The following CFAP97D2 variants were observed in gnomAD, a reference collection of about 807,000 sequenced individuals.
CFAP97D2 encodes CFAP97 domain containing 2, also known as uncharacterized protein CFAP97D2.
rs1404930740 is a variant in CFAP97D2 at position 114,211,944 on chromosome 13, G to C, written c.323G>C (p.Arg108Pro). The C allele has an allele frequency of 2.5e-6, 1 of 398,704 alleles. No homozygotes were observed. Among genetic ancestry groups the C allele is most frequent in the Non-Finnish European group, 4.4e-6 (1 of 226,154 alleles). 24.7% of individuals were successfully genotyped at this position (398,704 alleles called of 1,614,324 possible). A position where few individuals can be genotyped will look rare whatever the true frequency, so the allele number is the denominator to read the frequency against. ...AGGGGGAAGAGAGAACAGGAACTTC[G>C]CAGAGTGCGGAAGAAAACACGGCCA... Residue 108 changes from arginine (R) to proline (P), a missense_variant, in exon 4 of 5, where the codon CGC (arginine) becomes CCC (proline). Arg to Pro is a moderately radical substitution (Grantham distance 103, BLOSUM62 -2). Coordinates refer to ENST00000646158, the Ensembl canonical transcript of CFAP97D2. The surrounding 1 kb of genome is among the most constrained non-coding windows in gnomAD (Gnocchi z 4.2).
At position 114,195,432 on chromosome 13, in the gene CFAP97D2, C is replaced by A. The variant is rs1001483812; in HGVS notation, c.91-964C>A. 9.9e-5 allele frequency among the ~76,000 whole-genome samples: 15 copies of A among 152,190 alleles called. No individual in the cohort carries two copies. The South Asian group carries it at 2.3e-3, about 23-fold the overall frequency. ...CATTGCACGTGGGTTCAGTCCCCAG[C>A]CTGGCTATCCTTCTCCATGTGCTGG... On this transcript the variant is annotated intron_variant, in intron 1 of 4. Coordinates refer to ENST00000646158, the Ensembl canonical transcript of CFAP97D2.
At position 114,187,590 on chromosome 13, in the gene CFAP97D2, T is replaced by C. The variant is rs1404815055; in HGVS notation, c.90+8170T>C. The stretch of plus-strand genomic sequence containing the variant: ...TCCTTAATGTGCAAGCACCTAACAA[T>C]AGAATATCAAACTACTTGAGATACT... On this transcript the variant is annotated intron_variant, in intron 1 of 4. Coordinates refer to ENST00000646158, the Ensembl canonical transcript of CFAP97D2. The surrounding 1 kb of genome is among the most constrained non-coding windows in gnomAD (Gnocchi z 4.2). 6.6e-6 allele frequency among the ~76,000 whole-genome samples: 1 copy of C among 152,134 alleles called. No homozygotes were observed. The highest frequency in any genetic ancestry group is 2.4e-5 in the African/African-American group (1 of 41,422).
intron 1 of CFAP97D2, among the ~76,000 whole-genome samples, chr13:114,182,211 A>G (rs9562082): frequency 0.094 from 13,657 of 145,896 alleles, 1,576 homozygotes; most frequent in East Asian, 0.38. Context: ...AGTTCAAGGG[A>G]AGGTACTATG....
rs187548982 is a variant in CFAP97D2 at position 114,189,855 on chromosome 13, T to C, written c.91-6541T>C. On this transcript the variant is annotated intron_variant, in intron 1 of 4. Transcript: ENST00000646158. The surrounding 1 kb of genome is among the most constrained non-coding windows in gnomAD (Gnocchi z 4.5). ...AACTTTCTCAACTTGATAAAGAATATCTCCAGGCTGGGCATGGTGGCTCGC... is the reference window on the plus strand; with the variant it reads ...AACTTTCTCAACTTGATAAAGAATACCTCCAGGCTGGGCATGGTGGCTCGC... 3.9e-5 allele frequency among the ~76,000 whole-genome samples: 6 copies of C among 152,148 alleles called. No homozygotes were observed. In the East Asian group the frequency reaches 7.7e-4, roughly 20 times the overall value.
intron 1 of CFAP97D2, among the ~76,000 whole-genome samples, chr13:114,196,124 A>C (rs1204720432): frequency 6.6e-6 from 1 of 151,274 alleles, no homozygotes. Flanking sequence ...TGCAGACTAG[A>C]AATGTCACCA....
At chr13:114,202,422 C>T (rs1315216503) in intron 3 of CFAP97D2, among the ~76,000 whole-genome samples, 1 of 152,180 alleles carries the variant, frequency 6.6e-6, no homozygotes, top group Non-Finnish European at 1.5e-5. Flanking sequence ...GGTTAAAACA[C>T]AGTCATTTAG....
intron 3 of CFAP97D2, 78 bp downstream of exon 3, chr13:114,200,521 A>T (rs2080912845): frequency 2.5e-6 from 1 of 397,112 alleles, no homozygotes; most frequent in African/African-American, 2.1e-5. Flanking sequence ...GATGAGCAGA[A>T]GAGCTGCCCG....
At chr13:114,184,719 T>C (rs570557814) in intron 1 of CFAP97D2, among the ~76,000 whole-genome samples, 33 of 152,216 alleles carry the variant, frequency 2.2e-4, no homozygotes, top group African/African-American at 7.0e-4. Flanking sequence ...TTGGAAGAAA[T>C]AGCAGAAGAA....
chr13:114,195,827 T>C (rs1359843458), intron 1 of CFAP97D2, among the ~76,000 whole-genome samples: 1 of 151,808 alleles, frequency 6.6e-6, no homozygotes, highest in African/African-American at 2.4e-5. Context: ...ATCCCAGCAC[T>C]TTGGGAGGCC....
chr13:114,217,661 A>G (rs2081001607), intron 4 of CFAP97D2, among the ~76,000 whole-genome samples: 1 of 152,212 alleles, frequency 6.6e-6, no homozygotes, highest in African/African-American at 2.4e-5. Context: ...GCAGCACATC[A>G]AAAAGCTTAT....
chr13:114,192,296 T>G (rs1172009975), intron 1 of CFAP97D2, among the ~76,000 whole-genome samples: 5 of 152,154 alleles, frequency 3.3e-5, no homozygotes, highest in Admixed American at 3.3e-4. Flanking sequence ...GAGGGGCATG[T>G]TGATAATGGG....
Position 114,211,779 on chromosome 13 carries a change from G to T in CFAP97D2, c.291-133G>T, listed in dbSNP as rs1023322837. ...CACCTGGAGAACCGGTTTCTTAAAT[G>T]TTGGTTCAGTGGGAAGCAGGAGCAA... is the stretch of plus-strand genomic sequence containing the variant. On this transcript the variant is annotated intron_variant, in intron 3 of 4. Transcript: ENST00000646158. This position sits in a 1 kb window ranked among gnomAD's most constrained non-coding sequence, Gnocchi z 4.2. The T allele has an allele frequency of 1.0e-5, 4 of 397,164 alleles. No individual in the cohort carries two copies. The East Asian group carries it at 1.4e-4, about 14-fold the overall frequency. The allele number at this position is 397,164 out of a possible 1,614,324, so 24.6% of individuals were successfully genotyped here.
At chr13:114,191,027 G>C (rs2080867492) in intron 1 of CFAP97D2, among the ~76,000 whole-genome samples, 1 of 152,100 alleles carries the variant, frequency 6.6e-6, no homozygotes, top group Admixed American at 6.5e-5. Context: ...CATCCACATG[G>C]AAGAAGAGGA....
At chr13:114,190,948 G>A (rs2080867237) in intron 1 of CFAP97D2, among the ~76,000 whole-genome samples, 1 of 152,126 alleles carries the variant, frequency 6.6e-6, no homozygotes, top group Non-Finnish European at 1.5e-5. Context: ...ACTGATCTTT[G>A]ACACAGCAAC....
chr13:114,222,429 C>T lies in CFAP97D2; in HGVS notation c.481-69C>T, dbSNP rs2081025709. On this transcript the variant is annotated intron_variant, in intron 4 of 4. Coordinates refer to ENST00000646158, the Ensembl canonical transcript of CFAP97D2. The surrounding 1 kb of genome is among the most constrained non-coding windows in gnomAD (Gnocchi z 4.4). Reference sequence around the variant, plus strand: ...CAATGAGTTGAAATATTCCATTTCCCAAGTAAGTTGATAGTTTCTTGTTCT... The same window carrying T: ...CAATGAGTTGAAATATTCCATTTCCTAAGTAAGTTGATAGTTTCTTGTTCT... The T allele has an allele frequency of 5.0e-6, 2 of 398,332 alleles. No individual in the cohort carries two copies. Among genetic ancestry groups the T allele is most frequent in the Non-Finnish European group, 8.8e-6 (2 of 226,008 alleles). 24.7% of individuals were successfully genotyped at this position (398,332 alleles called of 1,614,324 possible).
intron 3 of CFAP97D2, 79 bp downstream of exon 3, chr13:114,200,522 G>C (rs1285682742): frequency 2.5e-6 from 1 of 397,142 alleles, no homozygotes; most frequent in African/African-American, 2.1e-5. Flanking sequence ...ATGAGCAGAA[G>C]AGCTGCCCGT....
intron 4 of CFAP97D2, chr13:114,214,030 C>T (rs2080983013): frequency 6.6e-6 from 1 of 152,514 alleles, no homozygotes; most frequent in South Asian, 2.1e-4. Context: ...GCTCCTAACC[C>T]TAACCCTAAC....
At chr13:114,205,360 A>G (rs1181833999) in intron 3 of CFAP97D2, among the ~76,000 whole-genome samples, 1 of 152,236 alleles carries the variant, frequency 6.6e-6, no homozygotes, top group Admixed American at 6.5e-5. Flanking sequence ...AAATGAAAAC[A>G]TGTCTACACG....
At chr13:114,196,559 G>A (rs1434377651) in intron 2 of CFAP97D2, 83 bp downstream of exon 2, 1 of 397,724 alleles carries the variant, frequency 2.5e-6, no homozygotes, top group African/African-American at 2.1e-5. Flanking sequence ...AGAAAAGGCA[G>A]GGTTAGTAAG....
Sources: allele counts gnomAD v4.1 joint callset (sites outside exome capture counted in the v4.1 genomes callset), GRCh38; gene constraint gnomAD v4.1.1; non-coding constraint Gnocchi (gnomAD v3.1); transcripts MANE v1.5; gene names NCBI Gene and HGNC (gene_info 2026-07-23, HGNC 2026-07-21).